Variants in DNAJC8 observed in about 807,000 individuals in gnomAD.
DNAJC8 encodes DnaJ heat shock protein family (Hsp40) member C8, also known as dnaJ homolog subfamily C member 8.
A neutral mutation model predicts 43.2 loss-of-function variants in DNAJC8; 24 were observed. That is an observed-to-expected ratio of 0.56 (90% CI 0.40 to 0.78). The LOEUF is 0.78. Among genes scored for constraint, DNAJC8 ranks in the 30% least tolerant of loss-of-function variants. The probability of loss-of-function intolerance (pLI) is 0.00; values close to 1 mark genes in which losing one functional copy is unlikely to be tolerated. For missense variants in DNAJC8, 207 were observed against 299.4 expected, an observed-to-expected ratio of 0.69 and a Z score of 2.28; for synonymous variants, 83 against 98.0, an observed-to-expected ratio of 0.85 and a Z score of 0.90.
chr1:28,204,314 C>T (rs1646755139), intron 7 of DNAJC8, among the ~76,000 whole-genome samples: 2 of 152,330 alleles, frequency 1.3e-5, no homozygotes, highest in South Asian at 4.1e-4. Flanking sequence ...GATGTAGCGG[C>T]TCATGCCTGT....
intron 1 of DNAJC8, among the ~76,000 whole-genome samples, chr1:28,229,646 G>T (rs1481684769): frequency 6.6e-6 from 1 of 151,700 alleles, no homozygotes; most frequent in African/African-American, 2.4e-5. Context: ...ATGGTGGCAT[G>T]GCGTGTAGTC....
chr1:28,203,942 A>C lies in DNAJC8; in HGVS notation c.564-120T>G. 3 of 958,866 alleles carry C rather than the reference A, an allele frequency of 3.1e-6. No homozygotes were observed. The South Asian group carries it at 4.1e-5, about 13-fold the overall frequency. The allele number at this position is 958,866 out of a possible 1,614,324, so 59.4% of individuals were successfully genotyped here. A position where few individuals can be genotyped will look rare whatever the true frequency, so the allele number is the denominator to read the frequency against. ...GTAAATCAATTCCCTAGAAGTCTACAAAGATGGCTGTCTGGAAAGGGCTCA... is the reference window on the plus strand; with the variant it reads ...GTAAATCAATTCCCTAGAAGTCTACCAAGATGGCTGTCTGGAAAGGGCTCA... On this transcript the variant is annotated intron_variant, in intron 7 of 8. Coordinates refer to ENST00000263697, the MANE Select transcript of DNAJC8 (RefSeq NM_014280.3).
At chr1:28,232,224 G>A (rs748411768) in intron 1 of DNAJC8, among the ~76,000 whole-genome samples, 1 of 152,144 alleles carries the variant, frequency 6.6e-6, no homozygotes, top group Non-Finnish European at 1.5e-5. Context: ...GAGCCACTGT[G>A]CCCAGCCCCT....
chr1:28,225,705 A>AT (rs199980896), intron 2 of DNAJC8, among the ~76,000 whole-genome samples: 9,662 of 137,462 alleles, frequency 0.07, 568 homozygotes, highest in Middle Eastern at 0.098. Context: ...TTAAATGGTA[A>AT]TTTTTTTTTT....
At chr1:28,205,207 T>C (rs1270659061) in intron 7 of DNAJC8, 51 bp downstream of exon 7, 1 of 1,361,998 alleles carries the variant, frequency 7.3e-7, no homozygotes, top group Non-Finnish European at 1.0e-6. Context: ...AGACCAATGT[T>C]AGTTAATCTA....
intron 2 of DNAJC8, among the ~76,000 whole-genome samples, chr1:28,221,165 C>T (rs1646895733): frequency 6.6e-6 from 1 of 151,898 alleles, no homozygotes; most frequent in African/African-American, 2.4e-5. Context: ...TAGTGAAACC[C>T]CGTCTCTATG....
chr1:28,231,018 T>C (rs1476919764), intron 1 of DNAJC8, among the ~76,000 whole-genome samples: 1 of 152,244 alleles, frequency 6.6e-6, no homozygotes, highest in Non-Finnish European at 1.5e-5. Flanking sequence ...CTGCTTTATT[T>C]TTTTATGAAA....
chr1:28,219,459 A>C (rs1646884144), intron 2 of DNAJC8, among the ~76,000 whole-genome samples: 1 of 152,186 alleles, frequency 6.6e-6, no homozygotes. Context: ...CAGTGAGCCG[A>C]GATCGTGCCA....
intron 2 of DNAJC8, among the ~76,000 whole-genome samples, chr1:28,224,012 C>T (rs1646916659): frequency 1.3e-5 from 2 of 152,112 alleles, no homozygotes; most frequent in Admixed American, 1.3e-4. Context: ...AAAGTGCCTA[C>T]TAATCAAAGA....
At chr1:28,231,368 C>A (rs570533428) in intron 1 of DNAJC8, among the ~76,000 whole-genome samples, 3 of 152,108 alleles carry the variant, frequency 2.0e-5, no homozygotes, top group Non-Finnish European at 4.4e-5. Flanking sequence ...TAAATTAACT[C>A]TCTTGTTTTT....
intron 2 of DNAJC8, among the ~76,000 whole-genome samples, chr1:28,223,986 G>C (rs1646916546): frequency 6.6e-6 from 1 of 151,978 alleles, no homozygotes; most frequent in African/African-American, 2.4e-5. Flanking sequence ...TTCCAGGCTG[G>C]GTCAGGAAAA....
intron 4 of DNAJC8, chr1:28,210,279 CACT>C: frequency 1.7e-6 from 1 of 578,702 alleles, no homozygotes; most frequent in South Asian, 2.2e-5. Flanking sequence ...AGGCTAAATA[CACT>C]ACATCTGGAT....
At chr1:28,202,970 G>T (rs1169884822) in intron 8 of DNAJC8, among the ~76,000 whole-genome samples, 1 of 152,118 alleles carries the variant, frequency 6.6e-6, no homozygotes, top group Non-Finnish European at 1.5e-5. Context: ...GCTCAAAAAG[G>T]TTAAATGATT....
At chr1:28,210,473 G>A in intron 4 of DNAJC8, 98 bp downstream of exon 4, 1 of 1,100,010 alleles carries the variant, frequency 9.1e-7, no homozygotes, top group Non-Finnish European at 1.3e-6. Flanking sequence ...GTGACCAGAA[G>A]ACAAAACTAT....
At chr1:28,216,831 G>T (rs1340244717) in intron 2 of DNAJC8, among the ~76,000 whole-genome samples, 1 of 144,908 alleles carries the variant, frequency 6.9e-6, no homozygotes, top group Non-Finnish European at 1.5e-5. Flanking sequence ...TTTTTGAGAC[G>T]GAGTTTTGCT....
Position 28,233,018 on chromosome 1 carries a change from C to T in DNAJC8, c.-20G>A, listed in dbSNP as rs752577422. ...CGCCATTTCCCCGGCCCAGCCACCA[C>T]GTGACCCTTCTGCGCAGGCGTCGCC... On this transcript the variant is annotated 5_prime_UTR_variant, in exon 1 of 9. The change creates a new upstream start codon in the 5' untranslated region. Coordinates refer to ENST00000263697, the MANE Select transcript of DNAJC8 (RefSeq NM_014280.3). 2.5e-6 allele frequency: 4 copies of T among 1,610,004 alleles called. No homozygotes were observed. The South Asian group carries it at 4.4e-5, about 18-fold the overall frequency.
At chr1:28,216,735 T>A (rs2149019260) in intron 2 of DNAJC8, among the ~76,000 whole-genome samples, 1 of 152,104 alleles carries the variant, frequency 6.6e-6, no homozygotes, top group East Asian at 1.9e-4. Flanking sequence ...TTACTTGATG[T>A]TGTTTTCCTA....
intron 6 of DNAJC8, among the ~76,000 whole-genome samples, chr1:28,208,018 C>A (rs975990611): frequency 2.6e-5 from 4 of 152,042 alleles, no homozygotes; most frequent in Non-Finnish European, 5.9e-5. Flanking sequence ...ACCAGACTGA[C>A]AAACATGGAG....
At chr1:28,223,634 C>T (rs1646913825) in intron 2 of DNAJC8, among the ~76,000 whole-genome samples, 1 of 148,740 alleles carries the variant, frequency 6.7e-6, no homozygotes, top group African/African-American at 2.5e-5. Context: ...AATCCCAGTA[C>T]TTTGGGAGGC....
Sources: gnomAD v4.1 joint callset for allele counts (sites outside exome capture counted in the v4.1 genomes callset) on GRCh38, gnomAD v4.1.1 for gene constraint, MANE v1.5 for transcripts, NCBI Gene and HGNC (gene_info 2026-07-23, HGNC 2026-07-21) for gene names.